EPHA6: variants seen among roughly 807,000 people sequenced by gnomAD.
EPHA6 encodes the protein EPH receptor A6.
A neutral mutation model predicts 112.0 loss-of-function variants in EPHA6; 50 were observed. The observed-to-expected ratio is 0.45, with a 90% confidence interval of 0.36 to 0.56. The LOEUF is 0.56. Among genes scored for constraint, EPHA6 ranks in the 20% least tolerant of loss-of-function variants. The pLI is 0.00. For missense variants in EPHA6, 1,280 were observed against 1,417.4 expected (o/e 0.90, Z 1.56); for synonymous variants, 529 against 490.7 (o/e 1.08, Z -1.03).
intron 6 of EPHA6, among the ~76,000 whole-genome samples, chr3:97,427,347 T>C (rs2089208677): frequency 1.3e-5 from 2 of 152,180 alleles, no homozygotes; most frequent in African/African-American, 4.8e-5. Context: ...CACCATGGAA[T>C]ACCATGCAGC....
rs375235453 is a variant in EPHA6, at chr3:97,661,992, T to C, written c.2784+23910T>C. ...GTATCCCTCTTCCCCCAGTATATAC[T>C]GAAATGTCAAAAGCATTGTTTATGT... On this transcript the variant is annotated intron_variant, in intron 14 of 17. Transcript: ENST00000389672. 1.1e-3 allele frequency among the ~76,000 whole-genome samples: 175 copies of C among 152,262 alleles called. 1 individual carries two copies. Among genetic ancestry groups the C allele is most frequent in the Middle Eastern group, 6.8e-3 (2 of 294 alleles).
chr3:97,035,469 A>G (rs9838594), intron 3 of EPHA6, among the ~76,000 whole-genome samples: 25,169 of 151,706 alleles, frequency 0.17, 2,437 homozygotes, highest in Non-Finnish European at 0.22. Context: ...CTCCTCAACT[A>G]TATTTTGAAA....
intron 6 of EPHA6, among the ~76,000 whole-genome samples, chr3:97,444,396 C>A (rs1033969308): frequency 1.3e-5 from 2 of 151,734 alleles, no homozygotes; most frequent in Non-Finnish European, 1.5e-5. Flanking sequence ...GGAATGATGA[C>A]AATGATTCAT....
chr3:97,595,546 G>A (rs1327120031), intron 12 of EPHA6, among the ~76,000 whole-genome samples: 1 of 152,110 alleles, frequency 6.6e-6, no homozygotes, highest in Non-Finnish European at 1.5e-5. Context: ...TTGGGAGGCT[G>A]AGGCAGAGGA....
chr3:97,581,262 G>T (rs560659876), intron 11 of EPHA6, among the ~76,000 whole-genome samples: 2 of 152,186 alleles, frequency 1.3e-5, no homozygotes, highest in East Asian at 1.9e-4. Context: ...TATCAAGAGG[G>T]ACTTGACAGG....
At chr3:97,435,397 A>T (rs1003346472) in intron 6 of EPHA6, among the ~76,000 whole-genome samples, 16 of 152,180 alleles carry the variant, frequency 1.1e-4, no homozygotes, top group Admixed American at 9.2e-4. Context: ...AGGGTAAAAA[A>T]TAGTTAATTC....
In EPHA6 at chr3:97,753,529, A is replaced by C. The variant is rs1224988955; in HGVS notation, c.*4828A>C. ...CTCTCATTAACAGTTGATCCTCTTC[A>C]GGAGTCACAGATTTTTATTGTCTGA... On this transcript the variant is annotated 3_prime_UTR_variant, in exon 18 of 18. Transcript: ENST00000389672. Among the ~76,000 whole-genome samples, 5 of 152,170 alleles carry C rather than the reference A, an allele frequency of 3.3e-5. No individual in the cohort carries two copies. Among genetic ancestry groups the C allele is most frequent in the Admixed American group, 2.6e-4 (4 of 15,278 alleles).
rs541250142 is a variant in EPHA6, at chr3:97,114,765, A to T, written c.1115-111499A>T. ...CTATTTTGTAGCTTCTGTTGTGTAC[A>T]TAGGAGGGACAAAGATGAATAAGTT... On this transcript the variant is annotated intron_variant, in intron 3 of 17. Coordinates refer to ENST00000389672, the MANE Select transcript of EPHA6 (RefSeq NM_001080448.3). Among the ~76,000 whole-genome samples the T allele has an allele frequency of 1.3e-3, 193 of 152,148 alleles. 1 individual carries two copies. The highest frequency in any genetic ancestry group is 7.7e-3 in the South Asian group (37 of 4,822).
intron 16 of EPHA6, among the ~76,000 whole-genome samples, chr3:97,739,127 C>T (rs2035396282): frequency 6.6e-6 from 1 of 152,034 alleles, no homozygotes; most frequent in African/African-American, 2.4e-5. Context: ...AATTGCAGAG[C>T]CCAGTTGTCT....
intron 14 of EPHA6, chr3:97,646,311 G>A (rs769529973): frequency 5.2e-5 from 78 of 1,510,364 alleles, no homozygotes; most frequent in Non-Finnish European, 5.9e-5. Flanking sequence ...CCCTCCAACA[G>A]TGAGTCTTTC....
At chr3:97,082,741 T>C (rs2046764967) in intron 3 of EPHA6, among the ~76,000 whole-genome samples, 1 of 151,906 alleles carries the variant, frequency 6.6e-6, no homozygotes, top group Non-Finnish European at 1.5e-5. Context: ...TACCCACGAG[T>C]ATTTAGTCTT....
At chr3:97,446,286 G>A (rs1259334694) in intron 6 of EPHA6, among the ~76,000 whole-genome samples, 1 of 151,170 alleles carries the variant, frequency 6.6e-6, no homozygotes, top group African/African-American at 2.5e-5. Context: ...AGCACTCACC[G>A]GTAGTGAGTG....
At chr3:97,510,610 G>T (rs1019626834) in intron 10 of EPHA6, among the ~76,000 whole-genome samples, 17 of 152,128 alleles carry the variant, frequency 1.1e-4, no homozygotes, top group African/African-American at 4.1e-4. Context: ...TCTGTTATAT[G>T]GGGTGTCTGT....
chr3:97,238,432 C>A (rs1160835101), intron 4 of EPHA6, among the ~76,000 whole-genome samples: 1 of 151,846 alleles, frequency 6.6e-6, no homozygotes, highest in Non-Finnish European at 1.5e-5. Context: ...CTATGCATTG[C>A]ATTCATTTCT....
intron 5 of EPHA6, among the ~76,000 whole-genome samples, chr3:97,384,974 G>T (rs1406428335): frequency 6.6e-6 from 1 of 152,080 alleles, no homozygotes; most frequent in African/African-American, 2.4e-5. Context: ...GGCCTGATTT[G>T]CAGTGTTTAC....
intron 2 of EPHA6, among the ~76,000 whole-genome samples, chr3:96,956,074 A>G (rs1473195042): frequency 6.6e-6 from 1 of 151,142 alleles, no homozygotes; most frequent in Non-Finnish European, 1.5e-5. Context: ...TCAGTGTCAA[A>G]AGGTTGCTTA....
At chr3:96,926,225 A>G (rs537246490) in intron 2 of EPHA6, among the ~76,000 whole-genome samples, 1 of 152,274 alleles carries the variant, frequency 6.6e-6, no homozygotes, top group East Asian at 1.9e-4. Flanking sequence ...AAACACTTAT[A>G]AAACCATCAG....
chr3:97,233,110 G>T lies in EPHA6; in HGVS notation c.1270+6691G>T, dbSNP rs1009651520. ...AGACCACTGTTCCCTGGCACCAGCT[G>T]CCACCAATTATGGTTTTAGAGAGAT... On this transcript the variant is annotated intron_variant, in intron 4 of 17. Transcript: ENST00000389672. 5.3e-5 allele frequency among the ~76,000 whole-genome samples: 8 copies of T among 152,038 alleles called. No homozygotes were observed. In the South Asian group the frequency reaches 1.2e-3, roughly 24 times the overall value.
intron 11 of EPHA6, among the ~76,000 whole-genome samples, chr3:97,579,138 C>T (rs188597399): frequency 8.7e-4 from 133 of 152,312 alleles, no homozygotes; most frequent in Non-Finnish European, 1.6e-3. Flanking sequence ...TTTCTCCAAA[C>T]TCAAGGTTTG....
Sources: gnomAD v4.1 joint callset for allele counts (sites outside exome capture counted in the v4.1 genomes callset) on GRCh38, gnomAD v4.1.1 for gene constraint, MANE v1.5 for transcripts, NCBI Gene and HGNC (gene_info 2026-07-23, HGNC 2026-07-21) for gene names.